Variants in MAST4 observed in about 807,000 individuals in gnomAD.
MAST4 encodes the protein microtubule-associated serine/threonine-protein kinase 4.
A neutral mutation model predicts 162.7 loss-of-function variants in MAST4; 89 were observed. The observed-to-expected ratio is 0.55, with a 90% CI of 0.46 to 0.65. The LOEUF is 0.65. MAST4 is among the 30% of genes least tolerant of loss of function. The probability of loss-of-function intolerance (pLI) is 0.00; values close to 1 mark genes in which losing one functional copy is unlikely to be tolerated. For missense variants in MAST4, 3,153 were observed against 3,374.0 expected (o/e 0.93, Z 1.62); for synonymous variants, 1,479 against 1,361.1 (o/e 1.09, Z -1.91).
chr5:66,916,957 C>CG (rs1561442766), intron 4 of MAST4: 2 of 717,712 alleles, frequency 2.8e-6, no homozygotes, highest in African/African-American at 3.5e-5. Flanking sequence ...TATATCCTTA[C>CG]GTACTGGTCC....
At position 67,110,180 on chromosome 5, in the gene MAST4, C is replaced by A; in HGVS notation, c.1439C>A (p.Ala480Asp). ...RKILIVIARPARLLECLEFDP... is the reference protein window; with the variant it reads ...RKILIVIARPDRLLECLEFDP... ...ATCCTAATTGTTATTGCCCGCCCTG[C>A]TCGGTTATTAGAGTGCCTGGTAAGT... is the stretch of plus-strand genomic sequence containing the variant. Residue 480 changes from alanine (A) to aspartate (D), a missense_variant, in exon 11 of 29, where the codon GCT becomes GAT. Coordinates refer to ENST00000403625, the MANE Select transcript of MAST4 (RefSeq NM_001164664.2). 1 of 1,613,204 alleles carries A rather than the reference C, an allele frequency of 6.2e-7. No individual in the cohort carries two copies. Among genetic ancestry groups the A allele is most frequent in the Non-Finnish European group, 8.5e-7 (1 of 1,179,230 alleles).
At position 66,896,683 on chromosome 5, in the gene MAST4, TA is replaced by T. The variant is rs1409783351; in HGVS notation, c.643-3264del. 3.9e-5 allele frequency among the ~76,000 whole-genome samples: 6 copies of T among 152,382 alleles called. No individual in the cohort carries two copies. In the East Asian group the frequency reaches 1.2e-3, roughly 29 times the overall value. The stretch of plus-strand genomic sequence containing the variant: ...GCTGTTAAATACCAAAAATTAGTTT[TA>T]AAATTACCACTGTGGCAGTTGCTTG... On this transcript the variant is annotated intron_variant, in intron 3 of 28. Coordinates refer to ENST00000403625, the MANE Select transcript of MAST4 (RefSeq NM_001164664.2).
intron 1 of MAST4, among the ~76,000 whole-genome samples, chr5:66,705,315 C>T (rs1428139432): frequency 1.3e-5 from 2 of 152,142 alleles, no homozygotes; most frequent in Admixed American, 6.5e-5. Context: ...AATGATAACA[C>T]CAGAAACCTC....
intron 12 of MAST4, among the ~76,000 whole-genome samples, chr5:67,116,135 G>T (rs982989273): frequency 6.6e-6 from 1 of 152,116 alleles, no homozygotes; most frequent in Non-Finnish European, 1.5e-5. Flanking sequence ...TTTAATCACT[G>T]GGAGTTGTGT....
chr5:66,655,774 C>T (rs539026467), intron 1 of MAST4, among the ~76,000 whole-genome samples: 1 of 152,288 alleles, frequency 6.6e-6, no homozygotes, highest in African/African-American at 2.4e-5. Flanking sequence ...TGTGTGTTAA[C>T]ATTCATACTG....
At chr5:67,062,169 AG>A (rs1352934527) in intron 5 of MAST4, among the ~76,000 whole-genome samples, 1 of 152,184 alleles carries the variant, frequency 6.6e-6, no homozygotes, top group Non-Finnish European at 1.5e-5. Flanking sequence ...TGGGAGGCTG[AG>A]GTGGGCGGAT....
At chr5:67,145,607 C>T (rs1184964957) in intron 23 of MAST4, among the ~76,000 whole-genome samples, 2 of 152,174 alleles carry the variant, frequency 1.3e-5, no homozygotes, top group Non-Finnish European at 2.9e-5. Context: ...TTATTGCTTC[C>T]GTTTGACCTT....
intron 5 of MAST4, among the ~76,000 whole-genome samples, chr5:67,067,693 C>T (rs902732245): frequency 6.6e-6 from 1 of 152,102 alleles, no homozygotes; most frequent in African/African-American, 2.4e-5. Flanking sequence ...GGTACAGTTA[C>T]TCTGGTTTCG....
chr5:66,689,720 T>C (rs1369686210), intron 1 of MAST4, among the ~76,000 whole-genome samples: 1 of 152,216 alleles, frequency 6.6e-6, no homozygotes, highest in Non-Finnish European at 1.5e-5. Flanking sequence ...CCAGTGACTA[T>C]GTAACTTTAG....
intron 2 of MAST4, among the ~76,000 whole-genome samples, chr5:66,782,011 C>T (rs1754894694): frequency 2.0e-5 from 3 of 152,134 alleles, no homozygotes; most frequent in African/African-American, 4.8e-5. Flanking sequence ...CGTGGCTGGG[C>T]ACAGTGGCTC....
At position 67,162,740 on chromosome 5, in the gene MAST4, C is replaced by A. The variant is rs763409194; in HGVS notation, c.3919C>A (p.Pro1307Thr). Residue 1307 changes from proline (P) to threonine (T), a missense_variant, in exon 28 of 29, where the codon CCC becomes ACC. By Grantham distance (38) the Pro-to-Thr change is conservative (BLOSUM62 -1). This residue lies in a region of MAST4 where 619 missense variants were observed against 744.2 expected (regional missense o/e 0.83). Coordinates refer to ENST00000403625, the MANE Select transcript of MAST4 (RefSeq NM_001164664.2). Reference sequence around the variant, plus strand: ...AGGTTCCCCCACTCATAGCTTGTCTCCCCGGTCTCCAACACCAAGCTACCG... The same window carrying A: ...AGGTTCCCCCACTCATAGCTTGTCTACCCGGTCTCCAACACCAAGCTACCG... ...LPGSPTHSLS[P>T]RSPTPSYRST... 1.9e-6 allele frequency: 3 copies of A among 1,613,852 alleles called. No individual in the cohort carries two copies. The highest frequency in any genetic ancestry group is 2.2e-5 in the South Asian group (2 of 91,072).
intron 1 of MAST4, among the ~76,000 whole-genome samples, chr5:66,634,129 G>A (rs181314740): frequency 1.3e-3 from 203 of 152,164 alleles, no homozygotes; most frequent in African/African-American, 4.7e-3. Flanking sequence ...GTGCAATCTT[G>A]GCTCACCGCA....
chr5:66,709,878 G>A (rs773737198), intron 1 of MAST4, among the ~76,000 whole-genome samples: 4 of 152,126 alleles, frequency 2.6e-5, no homozygotes, highest in Admixed American at 1.3e-4. Context: ...AGAAAATGAC[G>A]TATTCCACCC....
At chr5:67,104,710 A>C (rs1340001316) in intron 10 of MAST4, 135 bp downstream of exon 10, 2 of 653,340 alleles carry the variant, frequency 3.1e-6, no homozygotes, top group South Asian at 2.0e-5. Context: ...AAAAAAAAAA[A>C]AACTCACCTG....
rs774170758 is a variant in MAST4, at chr5:67,110,104, G to T, written c.1363G>T (p.Asp455Tyr). The change falls in exon 11 of 29, where the codon GAT becomes TAT. Residue 455 changes from aspartate to tyrosine, a missense_variant. Asp to Tyr is a radical substitution (Grantham distance 160). This residue lies in a region of MAST4 where 360 missense variants were observed against 450.0 expected (regional missense o/e 0.80). Coordinates refer to ENST00000403625, the MANE Select transcript of MAST4 (RefSeq NM_001164664.2). ...CTTTATTGCTTTTTCATAGGCTCAT[G>T]ATCGTTCAGAAAGTGGAGAATTGGC... is the stretch of plus-strand genomic sequence containing the variant. Reference protein sequence around the residue: ...KLDKLLQEAHDRSESGELAFI... With the variant: ...KLDKLLQEAHYRSESGELAFI... 2 of 1,611,956 alleles carry T rather than the reference G, an allele frequency of 1.2e-6. No individual in the cohort carries two copies. Among genetic ancestry groups the T allele is most frequent in the Admixed American group, 1.7e-5 (1 of 59,996 alleles).
At position 66,867,437 on chromosome 5, in the gene MAST4, A is replaced by G. The variant is rs1261682439; in HGVS notation, c.643-32514A>G. Among the ~76,000 whole-genome samples, 7 of 152,368 alleles carry G rather than the reference A, an allele frequency of 4.6e-5. No individual in the cohort carries two copies. In the East Asian group the frequency reaches 1.3e-3, roughly 29 times the overall value. The stretch of plus-strand genomic sequence containing the variant: ...ATCAGATCTGTAATGTTAGGGGAAC[A>G]ATAATTTATTTAAAAAGTATGATCT... On this transcript the variant is annotated intron_variant, in intron 3 of 28. Transcript: ENST00000403625.
intron 4 of MAST4, among the ~76,000 whole-genome samples, chr5:66,945,925 G>A (rs1478503659): frequency 3.3e-5 from 5 of 152,198 alleles, no homozygotes; most frequent in East Asian, 1.9e-4. Context: ...CTTTGAATCC[G>A]TATAAAGAGA....
At chr5:66,968,984 C>T (rs764059062) in intron 4 of MAST4, among the ~76,000 whole-genome samples, 110 of 152,172 alleles carry the variant, frequency 7.2e-4, no homozygotes, top group Non-Finnish European at 1.2e-3. Flanking sequence ...AGGGCAAGAC[C>T]TGTCTATCTT....
intron 1 of MAST4, among the ~76,000 whole-genome samples, chr5:66,714,003 T>C (rs1750659972): frequency 6.6e-6 from 1 of 152,242 alleles, no homozygotes; most frequent in Admixed American, 6.5e-5. Context: ...ATGAAAGTAC[T>C]TTTGTATTCC....
Sources: allele counts gnomAD v4.1 joint callset (sites outside exome capture counted in the v4.1 genomes callset), GRCh38; gene constraint gnomAD v4.1.1; regional missense constraint gnomAD v4.1.1; transcripts MANE v1.5; gene names NCBI Gene and HGNC (gene_info 2026-07-23, HGNC 2026-07-21).